PKHD1: variants seen among roughly 807,000 people sequenced by gnomAD.
PKHD1 encodes fibrocystin.
PKHD1 carries 291 observed loss-of-function variants against 412.0 expected under a neutral mutation model. The observed-to-expected ratio is 0.71, with a 90% confidence interval of 0.64 to 0.78. The LOEUF is 0.78. Ranked by LOEUF, PKHD1 falls within the 30% of genes least tolerant of loss-of-function variation. The pLI is 0.00. For synonymous variants in PKHD1, 1,777 were observed against 1,821.5 expected (o/e 0.98, Z 0.62); for missense variants, 4,825 against 4,950.7 (o/e 0.97, Z 0.76).
At chr6:52,083,418 T>C (rs920308827) in intron 2 of PKHD1, among the ~76,000 whole-genome samples, 163 bp from the exon 3 acceptor site, 2 of 152,252 alleles carry the variant, frequency 1.3e-5, no homozygotes, top group Admixed American at 6.5e-5. Context: ...TCCGTAGGTC[T>C]GGGGCAGGCC....
Position 51,950,321 on chromosome 6 carries a change from G to A in PKHD1, c.5908+9549C>T, listed in dbSNP as rs1378857527. 2.6e-5 allele frequency among the ~76,000 whole-genome samples: 4 copies of A among 151,320 alleles called. No individual in the cohort carries two copies. The South Asian group carries it at 6.3e-4, about 24-fold the overall frequency. The stretch of plus-strand genomic sequence containing the variant: ...TCATCAACTCAGATTTCCCTGGCGG[G>A]GTAGGGACCTGTGCATCCAACTAAA... On this transcript the variant is annotated intron_variant, in intron 36 of 66. Transcript: ENST00000371117.
intron 52 of PKHD1, among the ~76,000 whole-genome samples, chr6:51,807,966 G>T (rs111228383): frequency 2.0e-5 from 3 of 151,882 alleles, no homozygotes; most frequent in African/African-American, 7.3e-5. Flanking sequence ...TCTTTGGGGG[G>T]TAATCAAATG....
At chr6:51,970,991 T>A (rs768987330) in intron 35 of PKHD1, among the ~76,000 whole-genome samples, 1 of 152,182 alleles carries the variant, frequency 6.6e-6, no homozygotes, top group African/African-American at 2.4e-5. Context: ...CAAAAAATGA[T>A]GTTGACATTT....
At chr6:51,828,102 T>C (rs755649351) in intron 52 of PKHD1, among the ~76,000 whole-genome samples, 3 of 152,158 alleles carry the variant, frequency 2.0e-5, no homozygotes, top group Non-Finnish European at 2.9e-5. Context: ...AGAATGCGGA[T>C]GGTAAGAGAA....
At chr6:51,862,249 AC>A (rs1301413871) in intron 48 of PKHD1, among the ~76,000 whole-genome samples, 3 of 152,208 alleles carry the variant, frequency 2.0e-5, no homozygotes. Flanking sequence ...AATGAAATAA[AC>A]CAGAGCTTTT....
chr6:51,810,021 C>A (rs1582823223), intron 52 of PKHD1, among the ~76,000 whole-genome samples: 1 of 152,092 alleles, frequency 6.6e-6, no homozygotes, highest in East Asian at 1.9e-4. Flanking sequence ...ATTCTCGACA[C>A]TAACAGGAAT....
At chr6:51,683,607 A>G (rs1777003856) in intron 60 of PKHD1, among the ~76,000 whole-genome samples, 1 of 152,048 alleles carries the variant, frequency 6.6e-6, no homozygotes, top group Non-Finnish European at 1.5e-5. Flanking sequence ...TTCAATTTGG[A>G]TGATGTATGG....
intron 52 of PKHD1, among the ~76,000 whole-genome samples, chr6:51,818,307 T>C (rs1472505729): frequency 6.6e-6 from 1 of 152,244 alleles, no homozygotes; most frequent in African/African-American, 2.4e-5. Context: ...CTGAGAAACA[T>C]ATATTCATAC....
At chr6:52,000,877 T>C (rs966818766) in intron 35 of PKHD1, among the ~76,000 whole-genome samples, 2 of 152,214 alleles carry the variant, frequency 1.3e-5, no homozygotes, top group African/African-American at 2.4e-5. Context: ...ACTCATTTGA[T>C]ACAAAGAGTC....
At chr6:51,685,954 C>G (rs1777370655) in intron 60 of PKHD1, among the ~76,000 whole-genome samples, 1 of 152,160 alleles carries the variant, frequency 6.6e-6, no homozygotes, top group Admixed American at 6.6e-5. Context: ...CACAACTTAC[C>G]TGCTGTCTAA....
rs1465481897 is a variant in PKHD1, at chr6:52,010,161, T to C, written c.5751+148A>G. On this transcript the variant is annotated intron_variant, in intron 35 of 66. Coordinates refer to ENST00000371117, the MANE Select transcript of PKHD1 (RefSeq NM_138694.4). ...CCAGAGTTAACTATGAATTCAGATA[T>C]TGTGCATTAGACCAGCTTCTCAAAG... 2.0e-5 allele frequency: 14 copies of C among 685,942 alleles called. No individual in the cohort carries two copies. In the Middle Eastern group the frequency reaches 2.8e-3, roughly 135 times the overall value. The allele number at this position is 685,942 out of a possible 1,614,324, so 42.5% of individuals were successfully genotyped here.
rs769135174 is a variant in PKHD1 at position 51,632,691 on chromosome 6, C to T, written c.11539G>A (p.Ala3847Thr). Reference sequence around the variant, plus strand: ...TCCTTCCTAGTCACAGGCAAGACAGCAAATGGCTTGGATCGAGCTGTAAAA... The same window carrying T: ...TCCTTCCTAGTCACAGGCAAGACAGTAAATGGCTTGGATCGAGCTGTAAAA... ...VNFTARSKPF[A>T]VLPVTRKEKS... The change falls in exon 65 of 67, where the codon GCT becomes ACT. Residue 3847 changes from alanine (A) to threonine (T), a missense_variant. Coordinates refer to ENST00000371117, the MANE Select transcript of PKHD1 (RefSeq NM_138694.4). 1.2e-6 allele frequency: 2 copies of T among 1,613,402 alleles called. No homozygotes were observed. The highest frequency in any genetic ancestry group is 1.7e-6 in the Non-Finnish European group (2 of 1,179,624).
intron 35 of PKHD1, among the ~76,000 whole-genome samples, chr6:51,961,833 T>C (rs1792087174): frequency 6.6e-6 from 1 of 152,100 alleles, no homozygotes. Context: ...GAAAGGACTC[T>C]AGCAAAATCC....
intron 52 of PKHD1, among the ~76,000 whole-genome samples, chr6:51,806,821 T>A (rs996357040): frequency 6.6e-6 from 1 of 152,002 alleles, no homozygotes; most frequent in Non-Finnish European, 1.5e-5. Flanking sequence ...GAGACAATTA[T>A]GGACTGAGAT....
chr6:51,981,552 C>T (rs1302803430), intron 35 of PKHD1, among the ~76,000 whole-genome samples: 1 of 150,840 alleles, frequency 6.6e-6, no homozygotes, highest in Admixed American at 6.6e-5. Context: ...CTCCTAGCCG[C>T]GAGTGATCCG....
At chr6:52,027,514 A>G (rs141904213) in intron 31 of PKHD1, among the ~76,000 whole-genome samples, 141 of 146,548 alleles carry the variant, frequency 9.6e-4, no homozygotes, top group African/African-American at 3.5e-3. Context: ...ACTGGGCAAC[A>G]AGAGCGAAAC....
At position 51,913,124 on chromosome 6, in the gene PKHD1, T is replaced by A. The variant is rs368658998; in HGVS notation, c.6122-548A>T. Among the ~76,000 whole-genome samples the A allele has an allele frequency of 2.5e-3, 375 of 152,218 alleles. 3 individuals carry two copies. The highest frequency in any genetic ancestry group is 8.1e-3 in the African/African-American group (335 of 41,546). ...ATGAAATTTTACCACCTCTTTTTTA[T>A]TCCAAGAAAAAACAAGTGGTTATTA... On this transcript the variant is annotated intron_variant, in intron 37 of 66. Coordinates refer to ENST00000371117, the MANE Select transcript of PKHD1 (RefSeq NM_138694.4).
At chr6:51,668,544 T>C (rs1774274418) in intron 60 of PKHD1, among the ~76,000 whole-genome samples, 1 of 152,160 alleles carries the variant, frequency 6.6e-6, no homozygotes, top group Non-Finnish European at 1.5e-5. Context: ...TATTTCCTTC[T>C]CCTGCCTGAT....
At chr6:51,913,598 T>C (rs1561864302) in intron 37 of PKHD1, among the ~76,000 whole-genome samples, 1 of 152,132 alleles carries the variant, frequency 6.6e-6, no homozygotes. Flanking sequence ...TGGATGATAA[T>C]TTACCTTTAG....
Sources: gnomAD v4.1 joint callset for allele counts (sites outside exome capture counted in the v4.1 genomes callset) on GRCh38, gnomAD v4.1.1 for gene constraint, MANE v1.5 for transcripts, NCBI Gene and HGNC (gene_info 2026-07-23, HGNC 2026-07-21) for gene names.